ANXA8: variants seen among roughly 807,000 people sequenced by gnomAD.
The protein encoded by ANXA8 is annexin A8.
Under a neutral mutation model 26.8 loss-of-function variants are expected in ANXA8, and 9 were observed. The observed-to-expected ratio is 0.34, with a 90% confidence interval of 0.20 to 0.59. ANXA8 has a LOEUF of 0.59. ANXA8 is among the 20% of genes least tolerant of loss of function. The pLI, the probability that ANXA8 is intolerant of heterozygous loss-of-function variation, is 0.84. For missense variants in ANXA8, 83 were observed against 238.5 expected, an observed-to-expected ratio of 0.35 and a Z score of 4.29; for synonymous variants, 39 against 94.8, an observed-to-expected ratio of 0.41 and a Z score of 3.42.
the ANXA8 span, among the ~76,000 whole-genome samples, chr10:47,907,084 C>T: frequency 5.9e-3 from 889 of 151,670 alleles, 11 homozygotes; most frequent in African/African-American, 0.02. Context: ...AGGCCGGGCG[C>T]GGTGGCTCAT....
chr10:47,707,552 A>G, the ANXA8 span, among the ~76,000 whole-genome samples: 7 of 139,832 alleles, frequency 5.0e-5, no homozygotes, highest in African/African-American at 1.5e-4. Flanking sequence ...ATGCCCAGCT[A>G]ATTTTTGTAT....
chr10:47,607,473 C>G, the ANXA8 span, among the ~76,000 whole-genome samples: 1 of 150,328 alleles, frequency 6.7e-6, no homozygotes, highest in Non-Finnish European at 1.5e-5. Context: ...TTCTGTATGA[C>G]AGAAAGCAAA....
At chr10:47,472,673 G>A (rs1839366620) in intron 9 of ANXA8, among the ~76,000 whole-genome samples, 1 of 151,830 alleles carries the variant, frequency 6.6e-6, no homozygotes, top group Non-Finnish European at 1.5e-5. Context: ...TGGCCCCACA[G>A]GACTAAGGCA....
At chr10:47,507,358 AC>A in the ANXA8 span, among the ~76,000 whole-genome samples, 1 of 117,366 alleles carries the variant, frequency 8.5e-6, no homozygotes, top group Non-Finnish European at 1.8e-5. Context: ...ATAAACATAT[AC>A]TCTTTGAGAT....
At chr10:47,568,328 C>T in the ANXA8 span, among the ~76,000 whole-genome samples, 1 of 42,906 alleles carries the variant, frequency 2.3e-5, no homozygotes, top group African/African-American at 1.1e-4. Context: ...CACCCGGCCT[C>T]AAAGTGATAT....
chr10:47,606,678 A>G, the ANXA8 span, among the ~76,000 whole-genome samples: 1 of 148,438 alleles, frequency 6.7e-6, no homozygotes, highest in East Asian at 2.0e-4. Flanking sequence ...GGACACATAG[A>G]GTGGGGGACA....
the ANXA8 span, among the ~76,000 whole-genome samples, chr10:47,689,370 G>A: frequency 3.3e-4 from 50 of 151,894 alleles, no homozygotes; most frequent in Non-Finnish European, 3.4e-4. Context: ...TATAGACGGC[G>A]TTTCACGCTG....
chr10:47,973,770 G>A, the ANXA8 span, among the ~76,000 whole-genome samples: 30 of 151,342 alleles, frequency 2.0e-4, no homozygotes, highest in East Asian at 1.4e-3. Context: ...ATCAGAGACC[G>A]TTAGAAAACC....
the ANXA8 span, among the ~76,000 whole-genome samples, chr10:47,956,717 G>A: frequency 6.6e-6 from 1 of 150,508 alleles, no homozygotes; most frequent in African/African-American, 2.5e-5. Context: ...CTGTAGGGTA[G>A]GGCTTCAATG....
the ANXA8 span, among the ~76,000 whole-genome samples, chr10:47,705,739 A>C: frequency 3.3e-5 from 5 of 152,054 alleles, no homozygotes; most frequent in Non-Finnish European, 7.4e-5. Context: ...GTATATTCTA[A>C]AGTTTTTTAT....
the ANXA8 span, among the ~76,000 whole-genome samples, chr10:47,607,271 GA>G: frequency 1.5e-5 from 2 of 136,426 alleles, no homozygotes; most frequent in East Asian, 4.4e-4. Context: ...AAAAATAAAA[GA>G]AAAAATATAA....
At chr10:47,918,421 G>GA in the ANXA8 span, among the ~76,000 whole-genome samples, 2 of 34,854 alleles carry the variant, frequency 5.7e-5, 1 homozygote, top group Non-Finnish European at 1.2e-4. Context: ...AAGAAAGAAA[G>GA]AAAGAAAGAA....
the ANXA8 span, among the ~76,000 whole-genome samples, chr10:47,778,403 GACCAGCGAAAACACTCA>G: frequency 6.7e-6 from 1 of 148,426 alleles, no homozygotes; most frequent in African/African-American, 2.5e-5. Flanking sequence ...CTCAACCTGA[GACCAGCGAAAACACTCA>G]ACTTGGACTG....
At chr10:47,670,067 A>G in the ANXA8 span, among the ~76,000 whole-genome samples, 1 of 151,664 alleles carries the variant, frequency 6.6e-6, no homozygotes, top group East Asian at 1.9e-4. Flanking sequence ...TTTTGTTTCT[A>G]TGGATTTGCC....
chr10:47,482,125 C>T lies in ANXA8; in HGVS notation c.21+1788G>A, dbSNP rs1313470947. Reference sequence around the variant, plus strand: ...GTGGCTCCCTCATCTCCTCCCATCGCGTTCCTGGCCCAGCTTTGTGCCTAG... The same window carrying T: ...GTGGCTCCCTCATCTCCTCCCATCGTGTTCCTGGCCCAGCTTTGTGCCTAG... On this transcript the variant is annotated intron_variant, in intron 1 of 11. Coordinates refer to ENST00000585281, the MANE Select transcript of ANXA8 (RefSeq NM_001040084.3). 4.4e-5 allele frequency among the ~76,000 whole-genome samples: 6 copies of T among 137,388 alleles called. 2 individuals are homozygous for T. The highest frequency in any genetic ancestry group is 4.7e-5 in the Non-Finnish European group (3 of 64,496). 90.1% of individuals were successfully genotyped at this position (137,388 alleles called of 152,430 possible).
At chr10:47,558,208 C>T in the ANXA8 span, among the ~76,000 whole-genome samples, 3 of 151,910 alleles carry the variant, frequency 2.0e-5, no homozygotes, top group Non-Finnish European at 4.4e-5. Flanking sequence ...GTCATTCTGT[C>T]CCTAGCCCTT....
At chr10:47,556,340 G>A in the ANXA8 span, among the ~76,000 whole-genome samples, 1 of 151,986 alleles carries the variant, frequency 6.6e-6, no homozygotes, top group East Asian at 1.9e-4. Context: ...CTGGATACCT[G>A]AGGTTTCAAG....
At chr10:47,645,057 A>G in the ANXA8 span, among the ~76,000 whole-genome samples, 1 of 151,748 alleles carries the variant, frequency 6.6e-6, no homozygotes, top group Non-Finnish European at 1.5e-5. Flanking sequence ...TGTCTTTCTT[A>G]AAGAAATTAA....
chr10:47,754,963 CT>C, the ANXA8 span, among the ~76,000 whole-genome samples: 64,941 of 74,950 alleles, frequency 0.87, 27,682 homozygotes, highest in East Asian at 0.98. Flanking sequence ...CTTTTCTTTT[CT>C]TTTTTTTTTT....
Sources: gnomAD v4.1 joint callset for allele counts (sites outside exome capture counted in the v4.1 genomes callset) on GRCh38, gnomAD v4.1.1 for gene constraint, MANE v1.5 for transcripts, NCBI Gene and HGNC (gene_info 2026-07-23, HGNC 2026-07-21) for gene names.